Variants in ERC2 observed in about 807,000 individuals in gnomAD.
ERC2 encodes the protein ERC protein 2.
ERC2 carries 42 observed loss-of-function variants against 114.8 expected under a neutral mutation model. The observed-to-expected ratio is 0.37, with a 90% CI of 0.29 to 0.47. The LOEUF is 0.47. ERC2 is among the 20% of genes least tolerant of loss of function. The probability of loss-of-function intolerance (pLI) is 0.99; values close to 1 mark genes in which losing one functional copy is unlikely to be tolerated. For synonymous variants in ERC2, 454 were observed against 425.5 expected (o/e 1.07, Z -0.82); for missense variants, 939 against 1,150.7 (o/e 0.82, Z 2.66).
chr3:55,540,668 A>G (rs919053068), intron 17 of ERC2, among the ~76,000 whole-genome samples: 6 of 152,134 alleles, frequency 3.9e-5, no homozygotes, highest in Admixed American at 3.3e-4. Flanking sequence ...AACGTTCTTT[A>G]TCCCACTCTC....
At chr3:56,212,337 C>G (rs2049117293) in intron 3 of ERC2, among the ~76,000 whole-genome samples, 1 of 152,050 alleles carries the variant, frequency 6.6e-6, no homozygotes, top group Non-Finnish European at 1.5e-5. Flanking sequence ...AAATGGCCAA[C>G]AAATACATGA....
intron 14 of ERC2, among the ~76,000 whole-genome samples, chr3:55,799,635 G>A (rs1029651205): frequency 1.1e-4 from 16 of 151,826 alleles, no homozygotes; most frequent in African/African-American, 3.9e-4. Flanking sequence ...TATAGGAATG[G>A]AGGATGTGCC....
intron 15 of ERC2, among the ~76,000 whole-genome samples, chr3:55,716,005 C>T (rs2064100792): frequency 6.6e-6 from 1 of 152,186 alleles, no homozygotes; most frequent in African/African-American, 2.4e-5. Context: ...ACCCAACCTT[C>T]ATCAAACCCA....
At chr3:56,077,424 T>C (rs58375176) in intron 7 of ERC2, among the ~76,000 whole-genome samples, 20,349 of 152,262 alleles carry the variant, frequency 0.13, 1,454 homozygotes, top group East Asian at 0.16. Flanking sequence ...ATAATCATGT[T>C]GCCGAAAGGA....
intron 7 of ERC2, among the ~76,000 whole-genome samples, chr3:56,049,991 T>C (rs1165563816): frequency 1.3e-5 from 2 of 152,096 alleles, no homozygotes; most frequent in African/African-American, 2.4e-5. Context: ...GGTCCATTTA[T>C]ATGACACTGT....
At chr3:55,871,755 C>A (rs563833930) in intron 14 of ERC2, among the ~76,000 whole-genome samples, 4 of 152,264 alleles carry the variant, frequency 2.6e-5, no homozygotes, top group African/African-American at 9.6e-5. Context: ...GTGGTGTAAT[C>A]CTTCTGATTT....
intron 16 of ERC2, among the ~76,000 whole-genome samples, chr3:55,695,342 G>T (rs2062870877): frequency 6.6e-6 from 1 of 152,142 alleles, no homozygotes; most frequent in Admixed American, 6.5e-5. Flanking sequence ...TCATTACTGG[G>T]ATTTGTCTAG....
chr3:56,232,881 C>T (rs2050718493), intron 3 of ERC2, among the ~76,000 whole-genome samples: 1 of 152,212 alleles, frequency 6.6e-6, no homozygotes. Flanking sequence ...TTCAAACATG[C>T]CCTTCCTCAT....
chr3:55,968,107 A>G (rs1312979377), intron 12 of ERC2, among the ~76,000 whole-genome samples: 2 of 151,576 alleles, frequency 1.3e-5, no homozygotes, highest in Non-Finnish European at 2.9e-5. Context: ...CTTTCCTTAT[A>G]TTTTTAATTA....
At chr3:55,533,685 C>T (rs1559610420) in intron 17 of ERC2, among the ~76,000 whole-genome samples, 1 of 152,122 alleles carries the variant, frequency 6.6e-6, no homozygotes, top group Non-Finnish European at 1.5e-5. Flanking sequence ...ATCAGGATGC[C>T]AGCAAACCAA....
At chr3:56,033,607 T>C (rs1211566830) in intron 7 of ERC2, among the ~76,000 whole-genome samples, 1 of 152,178 alleles carries the variant, frequency 6.6e-6, no homozygotes, top group Non-Finnish European at 1.5e-5. Context: ...TAGGAAACTT[T>C]TATCACTCCT....
At chr3:55,732,168 G>A (rs994536669) in intron 15 of ERC2, among the ~76,000 whole-genome samples, 1 of 152,130 alleles carries the variant, frequency 6.6e-6, no homozygotes, top group Non-Finnish European at 1.5e-5. Flanking sequence ...GTTGCTGTGA[G>A]GACTATGGGA....
chr3:56,134,699 T>C (rs904143372), intron 6 of ERC2, among the ~76,000 whole-genome samples: 1 of 152,172 alleles, frequency 6.6e-6, no homozygotes, highest in Non-Finnish European at 1.5e-5. Flanking sequence ...AACCCCTGCA[T>C]TCTTTGTTAA....
chr3:55,640,730 G>A (rs2060142496), intron 17 of ERC2, among the ~76,000 whole-genome samples: 1 of 152,166 alleles, frequency 6.6e-6, no homozygotes, highest in South Asian at 2.1e-4. Context: ...GGAGTCCTGT[G>A]TAGCTCAGCT....
intron 16 of ERC2, among the ~76,000 whole-genome samples, chr3:55,693,189 G>C (rs1472466984): frequency 6.6e-6 from 1 of 152,144 alleles, no homozygotes; most frequent in African/African-American, 2.4e-5. Context: ...TAGGATTAGG[G>C]CAATCAATTT....
At chr3:55,786,397 T>C (rs1396791355) in intron 14 of ERC2, among the ~76,000 whole-genome samples, 2 of 152,240 alleles carry the variant, frequency 1.3e-5, no homozygotes, top group Non-Finnish European at 2.9e-5. Flanking sequence ...GTCTGATCTC[T>C]GGGTCTCCAT....
chr3:55,833,906 T>G (rs971150331), intron 14 of ERC2, among the ~76,000 whole-genome samples: 1 of 150,524 alleles, frequency 6.6e-6, no homozygotes, highest in African/African-American at 2.4e-5. Context: ...AATAAAAGGA[T>G]GGAGGAAGAT....
intron 3 of ERC2, among the ~76,000 whole-genome samples, chr3:56,284,389 T>C (rs917458240): frequency 3.9e-5 from 6 of 152,232 alleles, no homozygotes; most frequent in South Asian, 2.1e-4. Flanking sequence ...AGATTTTTAA[T>C]AGCAATAATA....
intron 17 of ERC2, among the ~76,000 whole-genome samples, chr3:55,616,970 C>T (rs17055511): frequency 0.01 from 1,571 of 152,296 alleles, 32 homozygotes; most frequent in African/African-American, 0.036. Context: ...AGGCGTTACT[C>T]CAACCCTGTA....
Sources: allele counts gnomAD v4.1 joint callset (sites outside exome capture counted in the v4.1 genomes callset), GRCh38; gene constraint gnomAD v4.1.1; transcripts MANE v1.5; gene names NCBI Gene and HGNC (gene_info 2026-07-23, HGNC 2026-07-21).